COL11A2: variants seen among roughly 807,000 people sequenced by gnomAD.
The protein encoded by COL11A2 is collagen alpha-2(XI) chain.
Under a neutral mutation model 273.4 loss-of-function variants are expected in COL11A2, and 116 were observed. The ratio of observed to expected loss-of-function variants is 0.42; its 90% CI spans 0.36 to 0.49. The LOEUF (loss-of-function observed/expected upper bound fraction) is 0.49, where lower values mean the gene tolerates loss of function less well. COL11A2 is among the 20% of genes least tolerant of loss of function. The pLI is 0.00. For missense variants in COL11A2, 1,866 were observed against 2,309.0 expected, an observed-to-expected ratio of 0.81 and a Z score of 3.93; for synonymous variants, 782 against 864.2, an observed-to-expected ratio of 0.90 and a Z score of 1.67.
chr6:33,163,499 TG>T lies in COL11A2; in HGVS notation c.*178del. 2 of 832,124 alleles carry T rather than the reference TG, an allele frequency of 2.4e-6. No homozygotes were observed. Among genetic ancestry groups the T allele is most frequent in the Non-Finnish European group, 1.9e-6 (1 of 519,130 alleles). The allele number at this position is 832,124 out of a possible 1,614,324, so 51.5% of individuals were successfully genotyped here. A position where few individuals can be genotyped will look rare whatever the true frequency, so the allele number is the denominator to read the frequency against. ...AGAGCCCCAGATGCCACTCCTCCCG[TG>T]GGGTGTCCAGGCAACCACTTCACCC... On this transcript the variant is annotated 3_prime_UTR_variant, in exon 66 of 66. Transcript: ENST00000341947. This position sits in a 1 kb window ranked among gnomAD's most constrained non-coding sequence, Gnocchi z 4.1.
chr6:33,192,493 G>T, upstream of COL11A2: 1 of 556,688 alleles, frequency 1.8e-6, no homozygotes, highest in South Asian at 2.1e-5. Context: ...GGCGCCCAGA[G>T]CCCCCACCTC....
Position 33,176,666 on chromosome 6 carries a change from G to A in COL11A2, c.2115+55C>T, listed in dbSNP as rs1770950642. 1 of 1,554,766 alleles carries A rather than the reference G, an allele frequency of 6.4e-7. No homozygotes were observed. Among genetic ancestry groups the A allele is most frequent in the Non-Finnish European group, 8.8e-7 (1 of 1,130,980 alleles). On this transcript the variant is annotated intron_variant, in intron 26 of 65. Coordinates refer to ENST00000341947, the MANE Select transcript of COL11A2 (RefSeq NM_080680.3). The surrounding 1 kb of genome is among the most constrained non-coding windows in gnomAD (Gnocchi z 4.9). ...ACAAGGGAATCCCAAGGACTTTGAG[G>A]CTCTAGAGTCTGAGTGGAGACTCCC...
chr6:33,177,942 C>A lies in COL11A2; in HGVS notation c.1872+190G>T. 1 of 772,526 alleles carries A rather than the reference C, an allele frequency of 1.3e-6. No homozygotes were observed. Among genetic ancestry groups the A allele is most frequent in the South Asian group, 1.7e-5 (1 of 57,556 alleles). 47.9% of individuals were successfully genotyped at this position (772,526 alleles called of 1,614,324 possible). Reference sequence around the variant, plus strand: ...TATGCCCAGAGCCCTCAGGGCACCACGCCACATGGCCCTCCCTGTGCACGG... The same window carrying A: ...TATGCCCAGAGCCCTCAGGGCACCAAGCCACATGGCCCTCCCTGTGCACGG... On this transcript the variant is annotated intron_variant, in intron 21 of 65. Transcript: ENST00000341947. The surrounding 1 kb of genome is among the most constrained non-coding windows in gnomAD (Gnocchi z 5.9).
At position 33,166,831 on chromosome 6, in the gene COL11A2, G is replaced by C. The variant is rs564087840; in HGVS notation, c.4231-4C>G. ...GTCCAATGAGACCTGGGTGGCCCTA[G>C]AGAAGGGTGCAGGCAGTCAAGAGAA... On this transcript the variant is annotated splice_region_variant and splice_polypyrimidine_tract_variant and intron_variant, in intron 58 of 65. Transcript: ENST00000341947. This position sits in a 1 kb window ranked among gnomAD's most constrained non-coding sequence, Gnocchi z 4.8. 2 of 1,613,322 alleles carry C rather than the reference G, an allele frequency of 1.2e-6. No homozygotes were observed. Among genetic ancestry groups the C allele is most frequent in the Non-Finnish European group, 1.7e-6 (2 of 1,179,932 alleles).
In COL11A2 at chr6:33,192,265, C is replaced by T. The variant is rs1332189206; in HGVS notation, c.-25G>A. The stretch of plus-strand genomic sequence containing the variant: ...TGGCTGAGAAGCCGAAACGCCGGGT[C>T]CCAGGGACCCAGGTCGGCCTGAGAC... On this transcript the variant is annotated 5_prime_UTR_variant, in exon 1 of 66. Coordinates refer to ENST00000341947, the MANE Select transcript of COL11A2 (RefSeq NM_080680.3). The T allele has an allele frequency of 1.3e-6, 2 of 1,549,702 alleles. No individual in the cohort carries two copies. Among genetic ancestry groups the T allele is most frequent in the Middle Eastern group, 1.9e-4 (1 of 5,206 alleles).
rs374704995 is a variant in COL11A2, at chr6:33,163,704, G to A, written c.5185C>T (p.Leu1729=). The A allele has an allele frequency of 6.8e-6, 11 of 1,612,924 alleles. No homozygotes were observed. In the African/African-American group the frequency reaches 1.1e-4, roughly 16 times the overall value. The change falls in exon 66 of 66, where the codon CTG becomes TTG. Residue 1729 remains leucine (L), a synonymous_variant. Coordinates refer to ENST00000341947, the MANE Select transcript of COL11A2 (RefSeq NM_080680.3). The surrounding 1 kb of genome is among the most constrained non-coding windows in gnomAD (Gnocchi z 4.1). ...TATCCCATGAAGCAGACAGGCCCCA[G>A]CAGCACCCCTCCCCGCCTCGGTGGG... is the stretch of plus-strand genomic sequence containing the variant. The part of the protein sequence containing the change: ...GAPPRRGGVL[L]GPVCFMG
At position 33,167,145 on chromosome 6, in the gene COL11A2, T is replaced by C; in HGVS notation, c.4177-22A>G. 1 of 1,614,040 alleles carries C rather than the reference T, an allele frequency of 6.2e-7. No individual in the cohort carries two copies. The highest frequency in any genetic ancestry group is 8.5e-7 in the Non-Finnish European group (1 of 1,179,938). ...GTCCCTGTGGAGAGATGGGAAGTCA[T>C]TCTCTTAAGGGAGAGGTGGGACCAA... On this transcript the variant is annotated intron_variant, in intron 57 of 65. Coordinates refer to ENST00000341947, the MANE Select transcript of COL11A2 (RefSeq NM_080680.3). This position sits in a 1 kb window ranked among gnomAD's most constrained non-coding sequence, Gnocchi z 6.1.
Position 33,168,754 on chromosome 6 carries a change from C to G in COL11A2, c.3858G>C (p.Gln1286His). The change falls in exon 53 of 66, where the codon CAG becomes CAC. Residue 1286 changes from glutamine to histidine, a missense_variant. Physicochemically the swap from Gln to His is conservative, Grantham distance 24. Transcript: ENST00000341947. The stretch of plus-strand genomic sequence containing the variant: ...CGCCTCGGTCACCCTTAGCACCATC[C>G]TGGCCCTGCAGAAGTGAAGCAAGGT... The part of the protein sequence containing the change: ...GPPGEGGPRG[Q>H]DGAKGDRGED... 6.3e-7 allele frequency: 1 copy of G among 1,596,742 alleles called. No individual in the cohort carries two copies. Among genetic ancestry groups the G allele is most frequent in the Non-Finnish European group, 8.5e-7 (1 of 1,171,370 alleles).
In COL11A2 at chr6:33,179,277, G is replaced by C; in HGVS notation, c.1511C>G (p.Pro504Arg). 6.2e-7 allele frequency: 1 copy of C among 1,610,644 alleles called. No individual in the cohort carries two copies. The highest frequency in any genetic ancestry group is 8.5e-7 in the Non-Finnish European group (1 of 1,179,016). The change falls in exon 15 of 66, where the codon CCT becomes CGT. Residue 504 changes from proline (P) to arginine (R), a missense_variant. By Grantham distance (103) the Pro-to-Arg change is moderately radical. Coordinates refer to ENST00000341947, the MANE Select transcript of COL11A2 (RefSeq NM_080680.3). The surrounding 1 kb of genome is among the most constrained non-coding windows in gnomAD (Gnocchi z 6.4). ...CTCTCCTTTCAGGCCAGGGCTCCCA[G>C]GTTGGCCCTGGGAGAGAGAAGAGAG... ...YTGRPGPLGQ[P>R]GSPGLKGESG... is the part of the protein sequence containing the mutation.
At position 33,173,747 on chromosome 6, in the gene COL11A2, T is replaced by C. The variant is rs1174831689; in HGVS notation, c.2584-2A>G. 6.3e-7 allele frequency: 1 copy of C among 1,594,010 alleles called. No homozygotes were observed. The highest frequency in any genetic ancestry group is 2.2e-5 in the East Asian group (1 of 44,544). On this transcript the variant is annotated splice_acceptor_variant, in intron 34 of 65. Coordinates refer to ENST00000341947, the MANE Select transcript of COL11A2 (RefSeq NM_080680.3). LOFTEE classifies it high-confidence loss of function. This position sits in a 1 kb window ranked among gnomAD's most constrained non-coding sequence, Gnocchi z 6.3. Reference sequence around the variant, plus strand: ...GGGGCCATCACCACCAGATGTTCCCTGTGGGGGGAAACAGAGTCAAGGAGT... The same window carrying C: ...GGGGCCATCACCACCAGATGTTCCCCGTGGGGGGAAACAGAGTCAAGGAGT...
Position 33,178,865 on chromosome 6 carries a change from G to A in COL11A2, c.1665+55C>T, listed in dbSNP as rs924840795. Reference sequence around the variant, plus strand: ...ACTAGGTCATCCCCAAGAAACAACTGAGCCCAGCGTGGGCTGAAGGCTACA... The same window carrying A: ...ACTAGGTCATCCCCAAGAAACAACTAAGCCCAGCGTGGGCTGAAGGCTACA... On this transcript the variant is annotated intron_variant, in intron 17 of 65. Transcript: ENST00000341947. The surrounding 1 kb of genome is among the most constrained non-coding windows in gnomAD (Gnocchi z 4.6). The A allele has an allele frequency of 2.9e-5, 46 of 1,611,262 alleles. No individual in the cohort carries two copies. In the African/African-American group the frequency reaches 5.7e-4, roughly 20 times the overall value.
chr6:33,167,580 T>C lies in COL11A2; in HGVS notation c.4015-47A>G, dbSNP rs760749775. 143 of 1,602,536 alleles carry C rather than the reference T, an allele frequency of 8.9e-5. No individual in the cohort carries two copies. Among genetic ancestry groups the C allele is most frequent in the Admixed American group, 8.4e-5 (5 of 59,344 alleles). Reference sequence around the variant, plus strand: ...TGTCCTGAATGGCAGAGGAGTGGGGTGTGGGCAGGGGGCAGAGGGTCCAAG... The same window carrying C: ...TGTCCTGAATGGCAGAGGAGTGGGGCGTGGGCAGGGGGCAGAGGGTCCAAG... On this transcript the variant is annotated intron_variant, in intron 55 of 65. Coordinates refer to ENST00000341947, the MANE Select transcript of COL11A2 (RefSeq NM_080680.3). This position sits in a 1 kb window ranked among gnomAD's most constrained non-coding sequence, Gnocchi z 6.1.
chr6:33,184,277 T>C lies in COL11A2; in HGVS notation c.987A>G (p.Ala329=). The change falls in exon 8 of 66, where the codon GCA becomes GCG. Residue 329 remains alanine (A), a synonymous_variant. Transcript: ENST00000341947. ...CTGTGCCACCCTCCCCATATTCCTC[T>C]GCCTGGAACCTGTCGGCTGTGGGGG... ...QVPPTADRFQ[A]EEYGEGGTDP... 7.3e-7 allele frequency: 1 copy of C among 1,367,664 alleles called. No homozygotes were observed. Among genetic ancestry groups the C allele is most frequent in the Non-Finnish European group, 9.8e-7 (1 of 1,021,976 alleles). 84.7% of individuals were successfully genotyped at this position (1,367,664 alleles called of 1,614,324 possible).
chr6:33,177,536 T>G lies in COL11A2; in HGVS notation c.1918-71A>C. 6.3e-7 allele frequency: 1 copy of G among 1,589,696 alleles called. No homozygotes were observed. ...AACACATTTAGAGCATGGAGCTGAG[T>G]CCCAGCAGCGATAGCCAAGAAGGCA... On this transcript the variant is annotated intron_variant, in intron 22 of 65. Transcript: ENST00000341947. The surrounding 1 kb of genome is among the most constrained non-coding windows in gnomAD (Gnocchi z 5.9).
chr6:33,171,457 G>A lies in COL11A2; in HGVS notation c.3258+10C>T, dbSNP rs2150546413. The A allele has an allele frequency of 4.3e-6, 7 of 1,613,302 alleles. No individual in the cohort carries two copies. The highest frequency in any genetic ancestry group is 2.2e-5 in the East Asian group (1 of 44,848). Reference sequence around the variant, plus strand: ...AAGAAGATTGGTCGGGGTCTGTGGGGTCCCCTCACCTTGTCTCCATCCTCT... The same window carrying A: ...AAGAAGATTGGTCGGGGTCTGTGGGATCCCCTCACCTTGTCTCCATCCTCT... On this transcript the variant is annotated intron_variant, in intron 43 of 65. Transcript: ENST00000341947.
At position 33,167,517 on chromosome 6, in the gene COL11A2, A is replaced by G; in HGVS notation, c.4031T>C (p.Ile1344Thr). 8 of 1,612,834 alleles carry G rather than the reference A, an allele frequency of 5.0e-6. No individual in the cohort carries two copies. The highest frequency in any genetic ancestry group is 6.8e-6 in the Non-Finnish European group (8 of 1,180,014). Residue 1344 changes from isoleucine (I) to threonine (T), a missense_variant, in exon 56 of 66, where the codon ATA (isoleucine) becomes ACA (threonine). Physicochemically the swap from Ile to Thr is moderately conservative, Grantham distance 89. Coordinates refer to ENST00000341947, the MANE Select transcript of COL11A2 (RefSeq NM_080680.3). This position sits in a 1 kb window ranked among gnomAD's most constrained non-coding sequence, Gnocchi z 6.1. The stretch of plus-strand genomic sequence containing the variant: ...CGGGCCTGTCTTCCCCGGGGCACCT[A>G]TAGCGCCAGGATCTCCCTGAAACAC... Reference protein sequence around the residue: ...GKGAKGDPGAIGAPGKTGPVG... With the variant: ...GKGAKGDPGATGAPGKTGPVG...
In COL11A2 at chr6:33,184,186, G is replaced by C; in HGVS notation, c.1078C>G (p.Leu360Val). Residue 360 changes from leucine (L) to valine (V), a missense_variant, in exon 8 of 66, where the codon CTT becomes GTT. Physicochemically the swap from Leu to Val is conservative, Grantham distance 32. Coordinates refer to ENST00000341947, the MANE Select transcript of COL11A2 (RefSeq NM_080680.3). ...GTCTCCGCAGAGAGGGCAGGGCCAA[G>C]CTCTGTCTCCTCACGATAATCATCC... ...YGDDYREETE[L>V]GPALSAETAH... is the part of the protein sequence containing the mutation. 1 of 1,367,458 alleles carries C rather than the reference G, an allele frequency of 7.3e-7. No individual in the cohort carries two copies. The highest frequency in any genetic ancestry group is 9.8e-7 in the Non-Finnish European group (1 of 1,021,996). The allele number at this position is 1,367,458 out of a possible 1,614,324, so 84.7% of individuals were successfully genotyped here.
chr6:33,175,485 G>C (rs770422202), intron 30 of COL11A2, 89 bp downstream of exon 30: 1 of 1,043,376 alleles, frequency 9.6e-7, no homozygotes, highest in Non-Finnish European at 1.5e-6. Flanking sequence ...CAACTGACTG[G>C]CTGACTTCAG....
rs1396612927 is a variant in COL11A2 at position 33,170,286 on chromosome 6, G to C, written c.3582+40C>G. ...TCTGGGAAAGGGAGGCAGAAGACCA[G>C]ACACATTGGTCTCAAGGGACAGGGG... On this transcript the variant is annotated intron_variant, in intron 48 of 65. Transcript: ENST00000341947. This position sits in a 1 kb window ranked among gnomAD's most constrained non-coding sequence, Gnocchi z 4.3. 3 of 1,605,254 alleles carry C rather than the reference G, an allele frequency of 1.9e-6. No individual in the cohort carries two copies. The highest frequency in any genetic ancestry group is 2.6e-6 in the Non-Finnish European group (3 of 1,173,518).
Sources: allele counts gnomAD v4.1 joint callset, GRCh38; gene constraint gnomAD v4.1.1; non-coding constraint Gnocchi (gnomAD v3.1); transcripts MANE v1.5; gene names NCBI Gene and HGNC (gene_info 2026-07-23, HGNC 2026-07-21).